Variants in HTR1F observed in about 807,000 individuals in gnomAD.
HTR1F encodes the protein 5-hydroxytryptamine receptor 1F.
HTR1F carries 17 observed loss-of-function variants against 24.0 expected under a neutral mutation model. That is an observed-to-expected ratio of 0.71 (90% CI 0.48 to 1.06). The LOEUF (loss-of-function observed/expected upper bound fraction) is 1.06, where lower values mean the gene tolerates loss of function less well. HTR1F is among the 50% of genes least tolerant of loss of function. The pLI, the probability that HTR1F is intolerant of heterozygous loss-of-function variation, is 0.00. For synonymous variants in HTR1F, 186 were observed against 156.8 expected (o/e 1.19, Z -1.39); for missense variants, 391 against 427.8 (o/e 0.91, Z 0.76).
intron 2 of HTR1F, among the ~76,000 whole-genome samples, chr3:87,828,986 T>C (rs1231214309): frequency 2.0e-5 from 3 of 151,886 alleles, no homozygotes; most frequent in Non-Finnish European, 2.9e-5. Context: ...TGACATGTGG[T>C]TCATTTCTAG....
intron 2 of HTR1F, among the ~76,000 whole-genome samples, chr3:87,903,540 G>T (rs1488649405): frequency 6.6e-6 from 1 of 151,094 alleles, no homozygotes; most frequent in Non-Finnish European, 1.5e-5. Flanking sequence ...ACCATCACTG[G>T]CCATCAGAGA....
intron 2 of HTR1F, among the ~76,000 whole-genome samples, chr3:87,881,770 T>C (rs1325095817): frequency 2.0e-5 from 3 of 152,096 alleles, no homozygotes; most frequent in African/African-American, 7.2e-5. Flanking sequence ...GAAGAAAACC[T>C]AGGCAATACC....
At chr3:87,947,199 TCTC>T (rs1704731157) in intron 2 of HTR1F, among the ~76,000 whole-genome samples, 1 of 152,222 alleles carries the variant, frequency 6.6e-6, no homozygotes, top group Non-Finnish European at 1.5e-5. Context: ...AATATTTTCT[TCTC>T]ATCATTCATT....
chr3:87,847,398 C>G (rs867013360), intron 2 of HTR1F, among the ~76,000 whole-genome samples: 1 of 151,736 alleles, frequency 6.6e-6, no homozygotes, highest in East Asian at 1.9e-4. Context: ...TCTATATTTT[C>G]TATTGTATTG....
chr3:87,848,335 G>A (rs1458689369), intron 2 of HTR1F, among the ~76,000 whole-genome samples: 1 of 151,672 alleles, frequency 6.6e-6, no homozygotes, highest in Non-Finnish European at 1.5e-5. Flanking sequence ...GTCTATTCAT[G>A]TCTTTTGCCC....
intron 2 of HTR1F, among the ~76,000 whole-genome samples, chr3:87,927,959 GT>G (rs1171600250): frequency 6.6e-6 from 1 of 151,710 alleles, no homozygotes. Flanking sequence ...AACTCCATTG[GT>G]GGCTTAATAA....
chr3:87,873,133 C>CACACACAGAG (rs370152361), intron 2 of HTR1F, among the ~76,000 whole-genome samples: 471 of 130,286 alleles, frequency 3.6e-3, no homozygotes, highest in South Asian at 5.5e-3. Context: ...CACACACACA[C>CACACACAGAG]AGAGAGATTT....
intron 1 of HTR1F, among the ~76,000 whole-genome samples, chr3:87,817,216 C>G (rs1355337897): frequency 6.6e-6 from 1 of 152,096 alleles, no homozygotes; most frequent in African/African-American, 2.4e-5. Flanking sequence ...TAGCCCCATA[C>G]TTGAATGCTA....
chr3:87,895,723 T>C (rs1333030524), intron 2 of HTR1F, among the ~76,000 whole-genome samples: 2 of 152,212 alleles, frequency 1.3e-5, no homozygotes, highest in African/African-American at 4.8e-5. Flanking sequence ...GAATATGTCA[T>C]ACTTGTAGAT....
At chr3:87,847,291 G>A (rs1378939216) in intron 2 of HTR1F, among the ~76,000 whole-genome samples, 1 of 151,452 alleles carries the variant, frequency 6.6e-6, no homozygotes, top group African/African-American at 2.4e-5. Flanking sequence ...AATTTACTAG[G>A]GTTCTATTTG....
chr3:87,925,060 C>CTT (rs60994421), intron 2 of HTR1F, among the ~76,000 whole-genome samples: 16,841 of 148,406 alleles, frequency 0.11, 1,150 homozygotes, highest in Non-Finnish European at 0.16. Flanking sequence ...TTTATTCATT[C>CTT]TTTTTTTTTT....
chr3:87,883,493 G>A (rs1705859551), intron 2 of HTR1F, among the ~76,000 whole-genome samples: 1 of 152,178 alleles, frequency 6.6e-6, no homozygotes, highest in African/African-American at 2.4e-5. Flanking sequence ...GACAGAAGAA[G>A]GCTTCAGAAG....
intron 2 of HTR1F, among the ~76,000 whole-genome samples, chr3:87,915,251 A>C (rs1703867825): frequency 6.6e-6 from 1 of 152,214 alleles, no homozygotes; most frequent in Admixed American, 6.5e-5. Context: ...CCAAATGAGA[A>C]GGAACCAGAA....
intron 2 of HTR1F, among the ~76,000 whole-genome samples, chr3:87,967,716 TG>T (rs1559651735): frequency 6.6e-6 from 1 of 152,178 alleles, no homozygotes; most frequent in African/African-American, 2.4e-5. Context: ...ATGGAAGACA[TG>T]CCTTTCACCT....
At position 87,822,085 on chromosome 3, in the gene HTR1F, A is replaced by C. The variant is rs993032583; in HGVS notation, c.-82A>C. Among the ~76,000 whole-genome samples, 2 of 152,224 alleles carry C rather than the reference A, an allele frequency of 1.3e-5. No individual in the cohort carries two copies. The highest frequency in any genetic ancestry group is 4.8e-5 in the African/African-American group (2 of 41,460). On this transcript the variant is annotated 5_prime_UTR_variant, in exon 2 of 3. Transcript: ENST00000319595. ...AAAGAACAGGAACATGAGGAGACGA[A>C]ATGGTGATGAAAACCCACAATTCAA...
chr3:87,864,735 A>G (rs1241669010), intron 2 of HTR1F, among the ~76,000 whole-genome samples: 1 of 152,026 alleles, frequency 6.6e-6, no homozygotes. Context: ...GTCTCTACTA[A>G]AAATACAAAA....
At chr3:87,851,912 A>G (rs1479387416) in intron 2 of HTR1F, among the ~76,000 whole-genome samples, 2 of 151,418 alleles carry the variant, frequency 1.3e-5, no homozygotes, top group African/African-American at 4.9e-5. Flanking sequence ...GGGTTAAATG[A>G]AAATAACAGT....
At position 87,845,281 on chromosome 3, in the gene HTR1F, G is replaced by A. The variant is rs190151788; in HGVS notation, c.-43+23157G>A. Among the ~76,000 whole-genome samples, 1,448 of 151,938 alleles carry A rather than the reference G, an allele frequency of 9.5e-3. 14 individuals are homozygous for A. The highest frequency in any genetic ancestry group is 0.015 in the Admixed American group (231 of 15,280). On this transcript the variant is annotated intron_variant, in intron 2 of 2. Coordinates refer to ENST00000319595, the MANE Select transcript of HTR1F (RefSeq NM_001322209.2). ...TAAAGGGTATTCAATTAGGAAAAGAGGAAGTCAAATTGTACCTGTTTGCAG... is the reference window on the plus strand; with the variant it reads ...TAAAGGGTATTCAATTAGGAAAAGAAGAAGTCAAATTGTACCTGTTTGCAG...
intron 2 of HTR1F, among the ~76,000 whole-genome samples, chr3:87,831,456 G>C (rs946782761): frequency 8.6e-5 from 13 of 151,538 alleles, no homozygotes; most frequent in Non-Finnish European, 1.8e-4. Flanking sequence ...TCAGCCTCCC[G>C]GCTTCACGCC....
Sources: allele counts gnomAD v4.1 joint callset (sites outside exome capture counted in the v4.1 genomes callset), GRCh38; gene constraint gnomAD v4.1.1; transcripts MANE v1.5; gene names NCBI Gene and HGNC (gene_info 2026-07-23, HGNC 2026-07-21).